CCNY: variants seen among roughly 807,000 people sequenced by gnomAD.
CCNY encodes cyclin Y.
In CCNY, 19 loss-of-function variants were observed where a neutral mutation model predicts 42.8. That is an observed-to-expected ratio of 0.44 (90% CI 0.31 to 0.65). CCNY has a LOEUF of 0.65. Among genes scored for constraint, CCNY ranks in the 30% least tolerant of loss-of-function variants. The pLI is 0.07. For synonymous variants in CCNY, 165 were observed against 162.7 expected (o/e 1.01, Z -0.11); for missense variants, 370 against 437.3 (o/e 0.85, Z 1.37).
intron 1 of CCNY, among the ~76,000 whole-genome samples, chr10:35,401,525 T>C (rs571765555): frequency 2.4e-4 from 36 of 152,110 alleles, no homozygotes; most frequent in African/African-American, 3.1e-4. Flanking sequence ...TTTTTTTTTT[T>C]CTTAGGAGGT....
intron 3 of CCNY, among the ~76,000 whole-genome samples, chr10:35,313,735 G>A (rs1387989857): frequency 1.3e-5 from 2 of 152,168 alleles, no homozygotes; most frequent in African/African-American, 2.4e-5. Flanking sequence ...CACTTTGGGA[G>A]GCTGAGGCAG....
intron 1 of CCNY, among the ~76,000 whole-genome samples, chr10:35,378,087 A>T (rs1445122250): frequency 1.3e-5 from 2 of 152,250 alleles, no homozygotes; most frequent in Non-Finnish European, 2.9e-5. Flanking sequence ...GGAATCTGAA[A>T]TCATTTATGT....
chr10:35,518,674 A>G (rs1260950444), intron 4 of CCNY, among the ~76,000 whole-genome samples: 1 of 135,342 alleles, frequency 7.4e-6, no homozygotes, highest in Non-Finnish European at 1.5e-5. Context: ...TCTTGATTGA[A>G]TCTGGCTGAG....
At chr10:35,322,285 C>G (rs548250360) in intron 3 of CCNY, among the ~76,000 whole-genome samples, 2 of 150,136 alleles carry the variant, frequency 1.3e-5, no homozygotes, top group Non-Finnish European at 3.0e-5. Context: ...ACCTGGGAGG[C>G]AGAGGCTGCG....
At position 35,430,294 on chromosome 10, in the gene CCNY, G is replaced by C. The variant is rs889153878; in HGVS notation, c.155-53110G>C. Among the ~76,000 whole-genome samples, 4 of 120,530 alleles carry C rather than the reference G, an allele frequency of 3.3e-5. No individual in the cohort carries two copies. In the South Asian group the frequency reaches 1.2e-3, roughly 35 times the overall value. The allele number at this position is 120,530 out of a possible 152,430, so 79.1% of individuals were successfully genotyped here. On this transcript the variant is annotated intron_variant, in intron 1 of 9. Coordinates refer to ENST00000374704, the MANE Select transcript of CCNY (RefSeq NM_145012.6). ...GGAGCTTGCAGTGAGCCGAGATCCC[G>C]CCACTGCACTCCAGCCTGGGCGACA... is the stretch of plus-strand genomic sequence containing the variant.
intron 7 of CCNY, among the ~76,000 whole-genome samples, chr10:35,537,233 A>G (rs1589190730): frequency 6.6e-6 from 1 of 152,240 alleles, no homozygotes; most frequent in Non-Finnish European, 1.5e-5. Flanking sequence ...AGGTTTGCCT[A>G]GATTTCAGAA....
chr10:35,408,017 G>A (rs1203335131), intron 1 of CCNY, among the ~76,000 whole-genome samples: 4 of 152,174 alleles, frequency 2.6e-5, no homozygotes, highest in Non-Finnish European at 5.9e-5. Context: ...TGTCTCCTTT[G>A]TCTCCACCAG....
intron 8 of CCNY, among the ~76,000 whole-genome samples, chr10:35,565,313 G>C (rs1841547381): frequency 6.6e-6 from 1 of 152,118 alleles, no homozygotes; most frequent in South Asian, 2.1e-4. Context: ...ACCATCATCT[G>C]GGAGTTCCTT....
intron 3 of CCNY, among the ~76,000 whole-genome samples, chr10:35,304,466 C>T (rs1772078303): frequency 9.3e-6 from 1 of 107,438 alleles, no homozygotes. Context: ...CCCGCCACTA[C>T]GCCCGGCTAA....
chr10:35,419,196 G>T (rs1838101412), intron 1 of CCNY, among the ~76,000 whole-genome samples: 1 of 152,138 alleles, frequency 6.6e-6, no homozygotes, highest in Non-Finnish European at 1.5e-5. Flanking sequence ...CATACTGTGG[G>T]TGCTCAATTG....
rs1841665178 is a variant in CCNY at position 35,570,474 on chromosome 10, CT to C, written c.*1308del. ...ATTTCCTTATGGACTCAATAAGAAT[CT>C]TTTATATCAAGTAAAATGAAAGTTG... On this transcript the variant is annotated 3_prime_UTR_variant, in exon 10 of 10. Transcript: ENST00000374704. 1 of 152,312 alleles carries C rather than the reference CT, an allele frequency of 6.6e-6. No individual in the cohort carries two copies. Among genetic ancestry groups the C allele is most frequent in the South Asian group, 2.1e-4 (1 of 4,828 alleles). The allele number at this position is 152,312 out of a possible 1,614,324, so 9.4% of individuals were successfully genotyped here. A position where few individuals can be genotyped will look rare whatever the true frequency, so the allele number is the denominator to read the frequency against.
At chr10:35,392,316 T>C (rs1042134320) in intron 1 of CCNY, among the ~76,000 whole-genome samples, 2 of 152,194 alleles carry the variant, frequency 1.3e-5, no homozygotes, top group Non-Finnish European at 2.9e-5. Context: ...GTTGAGAACA[T>C]AAAGACCAGA....
intron 1 of CCNY, among the ~76,000 whole-genome samples, chr10:35,338,722 C>T (rs1836108201): frequency 6.6e-6 from 1 of 152,122 alleles, no homozygotes; most frequent in South Asian, 2.1e-4. Flanking sequence ...GAAATAATGT[C>T]TTCTTTATGA....
At chr10:35,461,288 A>C (rs1283391504) in intron 1 of CCNY, among the ~76,000 whole-genome samples, 1 of 152,168 alleles carries the variant, frequency 6.6e-6, no homozygotes, top group East Asian at 1.9e-4. Flanking sequence ...TGGGGGAAAG[A>C]GATTAGGTTC....
intron 1 of CCNY, among the ~76,000 whole-genome samples, chr10:35,370,154 G>GTT (rs1227067609): frequency 1.3e-4 from 18 of 143,276 alleles, no homozygotes; most frequent in Non-Finnish European, 1.5e-4. Context: ...ACATATCCAT[G>GTT]TTTTTTTTTT....
rs183889897 is a variant in CCNY at position 35,471,309 on chromosome 10, T to C, written c.155-12095T>C. Among the ~76,000 whole-genome samples, 290 of 152,262 alleles carry C rather than the reference T, an allele frequency of 1.9e-3. 1 individual carries two copies. Among genetic ancestry groups the C allele is most frequent in the Non-Finnish European group, 3.0e-3 (201 of 68,006 alleles). On this transcript the variant is annotated intron_variant, in intron 1 of 9. Coordinates refer to ENST00000374704, the MANE Select transcript of CCNY (RefSeq NM_145012.6). ...GACTTTACAGGCTTGCTTTGGCGCC[T>C]CCTCTCCATCCAGTGCTGTTTAGGT...
In CCNY at chr10:35,290,264, A is replaced by AC. The variant is rs61407161; in HGVS notation, c.-9+39638_-9+39639insC. On this transcript the variant is annotated intron_variant, in intron 3 of 11. Transcript: ENST00000374706. ...CACACACACACACACACACACACAC[A>AC]AAATTAGCTGGGCATCGCGGTATGC... Among the ~76,000 whole-genome samples, 347 of 149,178 alleles carry AC rather than the reference A, an allele frequency of 2.3e-3. 2 individuals are homozygous for AC. Among genetic ancestry groups the AC allele is most frequent in the African/African-American group, 7.9e-3 (318 of 40,162 alleles).
At chr10:35,411,240 C>T (rs899966747) in intron 1 of CCNY, among the ~76,000 whole-genome samples, 3 of 151,888 alleles carry the variant, frequency 2.0e-5, no homozygotes, top group Non-Finnish European at 4.4e-5. Context: ...AGGCCGGGTG[C>T]GGTGGCTCAC....
intron 7 of CCNY, among the ~76,000 whole-genome samples, chr10:35,533,420 G>T (rs1475653764): frequency 1.3e-5 from 2 of 152,020 alleles, no homozygotes; most frequent in Admixed American, 1.3e-4. Context: ...TCCCATCTCT[G>T]CCCAGCTGCC....
Sources: allele counts gnomAD v4.1 joint callset (sites outside exome capture counted in the v4.1 genomes callset), GRCh38; gene constraint gnomAD v4.1.1; transcripts MANE v1.5; gene names NCBI Gene and HGNC (gene_info 2026-07-23, HGNC 2026-07-21).